Variants in CDH13 observed in about 807,000 individuals in gnomAD.
CDH13 encodes cadherin-13.
A neutral mutation model predicts 63.8 loss-of-function variants in CDH13; 24 were observed. The observed-to-expected ratio is 0.38, with a 90% CI of 0.27 to 0.53. CDH13 has a LOEUF of 0.53. Ranked by LOEUF, CDH13 falls within the 20% of genes least tolerant of loss-of-function variation. The pLI is 0.85. For missense variants in CDH13, 1,049 were observed against 903.1 expected (o/e 1.16, Z -2.07); for synonymous variants, 503 against 355.3 (o/e 1.42, Z -4.67).
At chr16:83,327,151 C>T (rs368796282) in intron 5 of CDH13, among the ~76,000 whole-genome samples, 9 of 152,308 alleles carry the variant, frequency 5.9e-5, no homozygotes, top group African/African-American at 2.2e-4. Context: ...GTATTAAGTT[C>T]TACTTGCTTT....
At chr16:83,104,805 T>C (rs1021657021) in intron 3 of CDH13, among the ~76,000 whole-genome samples, 3 of 152,152 alleles carry the variant, frequency 2.0e-5, no homozygotes, top group Non-Finnish European at 1.5e-5. Context: ...AGCCATAACA[T>C]TATGAAGCTA....
At chr16:83,717,139 A>T (rs1330773530) in intron 10 of CDH13, 1 of 152,388 alleles carries the variant, frequency 6.6e-6, no homozygotes, top group Non-Finnish European at 1.5e-5. Context: ...GCACACCTGT[A>T]GTCCCAGCTA....
At chr16:82,762,251 G>A (rs1843978644) in intron 1 of CDH13, among the ~76,000 whole-genome samples, 1 of 152,296 alleles carries the variant, frequency 6.6e-6, no homozygotes, top group Non-Finnish European at 1.5e-5. Flanking sequence ...CTGCTCCCAC[G>A]ATGATCTGAT....
intron 6 of CDH13, among the ~76,000 whole-genome samples, chr16:83,484,327 A>G (rs2073838801): frequency 6.6e-6 from 1 of 152,224 alleles, no homozygotes; most frequent in African/African-American, 2.4e-5. Flanking sequence ...TGCTTTGTTG[A>G]ATAGACATCT....
intron 2 of CDH13, among the ~76,000 whole-genome samples, chr16:82,958,676 A>G (rs1367046634): frequency 6.6e-6 from 1 of 152,242 alleles, no homozygotes; most frequent in African/African-American, 2.4e-5. Flanking sequence ...TGTAAGTTCA[A>G]AACATTCATT....
chr16:83,327,199 G>C (rs146464756), intron 5 of CDH13, among the ~76,000 whole-genome samples: 1 of 152,152 alleles, frequency 6.6e-6, no homozygotes, highest in Admixed American at 6.5e-5. Context: ...AGTAATACAC[G>C]TGTGAGAACA....
chr16:83,732,924 T>C (rs1911178876), intron 10 of CDH13, among the ~76,000 whole-genome samples: 1 of 152,200 alleles, frequency 6.6e-6, no homozygotes, highest in African/African-American at 2.4e-5. Context: ...AACCAAGGCC[T>C]GTATGGCCAG....
chr16:83,342,291 T>G (rs1460734449), intron 5 of CDH13, among the ~76,000 whole-genome samples: 1 of 152,240 alleles, frequency 6.6e-6, no homozygotes, highest in Non-Finnish European at 1.5e-5. Context: ...ATTATCTTGT[T>G]CATATCTTTT....
intron 6 of CDH13, among the ~76,000 whole-genome samples, chr16:83,465,029 G>T (rs929018252): frequency 6.6e-6 from 1 of 152,210 alleles, no homozygotes; most frequent in East Asian, 1.9e-4. Context: ...GATACAGCCT[G>T]AGTAGTATTC....
At chr16:83,020,143 A>G (rs1027989292) in intron 2 of CDH13, among the ~76,000 whole-genome samples, 8 of 152,202 alleles carry the variant, frequency 5.3e-5, no homozygotes, top group Non-Finnish European at 1.0e-4. Flanking sequence ...TATGTGGCAC[A>G]TGACCGAATT....
chr16:82,712,182 C>A (rs1181627512), intron 1 of CDH13, among the ~76,000 whole-genome samples: 1 of 152,118 alleles, frequency 6.6e-6, no homozygotes, highest in Non-Finnish European at 1.5e-5. Flanking sequence ...GCCATTATCT[C>A]GCATGACCTT....
At chr16:83,136,977 T>G (rs542506121) in intron 4 of CDH13, among the ~76,000 whole-genome samples, 1 of 152,306 alleles carries the variant, frequency 6.6e-6, no homozygotes, top group African/African-American at 2.4e-5. Flanking sequence ...TCTCTGAATG[T>G]TTAACAATGG....
At chr16:82,728,602 G>T (rs1342958854) in intron 1 of CDH13, among the ~76,000 whole-genome samples, 3 of 152,122 alleles carry the variant, frequency 2.0e-5, no homozygotes, top group Non-Finnish European at 4.4e-5. Flanking sequence ...CCTTCAGGGA[G>T]TCATAATCTT....
At chr16:82,887,883 C>A (rs1256791878) in intron 2 of CDH13, among the ~76,000 whole-genome samples, 1 of 151,920 alleles carries the variant, frequency 6.6e-6, no homozygotes, top group African/African-American at 2.4e-5. Context: ...GTGAACCCAG[C>A]CTCCCTAGCA....
intron 5 of CDH13, among the ~76,000 whole-genome samples, chr16:83,271,969 A>T (rs543630722): frequency 1.5e-4 from 23 of 152,330 alleles, no homozygotes; most frequent in African/African-American, 5.3e-4. Flanking sequence ...CTCACATATC[A>T]TAATGGTAAT....
chr16:82,653,471 G>A (rs1178499833), intron 1 of CDH13, among the ~76,000 whole-genome samples: 2 of 152,196 alleles, frequency 1.3e-5, no homozygotes, highest in Non-Finnish European at 2.9e-5. Context: ...GGGCCCTGAA[G>A]GAGCAACAGA....
intron 2 of CDH13, among the ~76,000 whole-genome samples, chr16:82,917,775 C>G (rs987829689): frequency 1.3e-5 from 2 of 151,912 alleles, no homozygotes; most frequent in African/African-American, 4.8e-5. Context: ...ATTAGCCAGG[C>G]TTGGTGGCTG....
At chr16:83,396,660 C>G (rs982900265) in intron 6 of CDH13, 1 of 151,940 alleles carries the variant, frequency 6.6e-6, no homozygotes, top group Non-Finnish European at 1.5e-5. Context: ...AGGTGACGTT[C>G]GTGAGGTGCA....
intron 2 of CDH13, among the ~76,000 whole-genome samples, chr16:82,902,181 C>T (rs569897025): frequency 2.6e-5 from 4 of 152,282 alleles, no homozygotes; most frequent in African/African-American, 9.6e-5. Flanking sequence ...GCTTAAGAGA[C>T]TGCCATTTTT....
Sources: allele counts gnomAD v4.1 joint callset (sites outside exome capture counted in the v4.1 genomes callset), GRCh38; gene constraint gnomAD v4.1.1; transcripts MANE v1.5; gene names NCBI Gene and HGNC (gene_info 2026-07-23, HGNC 2026-07-21).